The following ATP2B2 variants were observed in gnomAD, a reference collection of about 807,000 sequenced individuals.
ATP2B2 encodes the protein ATPase plasma membrane Ca2+ transporting 2, also known as plasma membrane calcium-transporting ATPase 2.
A neutral mutation model predicts 120.0 loss-of-function variants in ATP2B2; 15 were observed. The observed-to-expected ratio is 0.12, with a 90% CI of 0.08 to 0.19. ATP2B2 has a LOEUF of 0.19. ATP2B2 is among the 10% of genes least tolerant of loss of function. ATP2B2 has a pLI of 1.00. For missense variants in ATP2B2, 1,045 were observed against 1,719.8 expected (o/e 0.61, Z 6.94); for synonymous variants, 694 against 700.3 (o/e 0.99, Z 0.14).
chr3:10,610,788 G>C (rs2069212831), intron 2 of ATP2B2, among the ~76,000 whole-genome samples: 1 of 152,100 alleles, frequency 6.6e-6, no homozygotes, highest in Non-Finnish European at 1.5e-5. Flanking sequence ...ATCAACACAT[G>C]CTGGAGGGAA....
chr3:10,488,863 G>C (rs1028721212), intron 1 of ATP2B2, among the ~76,000 whole-genome samples: 10 of 151,904 alleles, frequency 6.6e-5, no homozygotes, highest in African/African-American at 1.9e-4. Flanking sequence ...CACACAGTCA[G>C]ACAAAAATCA....
intron 6 of ATP2B2, chr3:10,388,012 G>A: frequency 2.2e-6 from 1 of 456,736 alleles, no homozygotes; most frequent in Non-Finnish European, 4.0e-6. Flanking sequence ...TCAACAACAT[G>A]GTCAGCATCC....
chr3:10,656,316 G>T (rs941451624), intron 1 of ATP2B2, among the ~76,000 whole-genome samples: 1 of 152,174 alleles, frequency 6.6e-6, no homozygotes, highest in Non-Finnish European at 1.5e-5. Flanking sequence ...GACTGAGCAT[G>T]GGGAGAAGTG....
At chr3:10,338,394 G>T (rs1423037547) in intron 21 of ATP2B2, 36 bp from the exon 22 acceptor site, 4 of 1,612,788 alleles carry the variant, frequency 2.5e-6, no homozygotes, top group South Asian at 2.2e-5. Context: ...CGGTGGGGCT[G>T]TCCTTCCCAG....
intron 1 of ATP2B2, among the ~76,000 whole-genome samples, chr3:10,491,865 GA>G (rs2065946394): frequency 6.6e-6 from 1 of 152,046 alleles, no homozygotes; most frequent in Non-Finnish European, 1.5e-5. Context: ...CATGAAGAAA[GA>G]AAAAAGGACT....
At chr3:10,506,843 G>A (rs903431793), upstream of ATP2B2, among the ~76,000 whole-genome samples, 11 of 152,336 alleles carry the variant, frequency 7.2e-5, no homozygotes, top group Admixed American at 4.6e-4. Context: ...CTGCCCGCCC[G>A]AGCGTCCCGA....
At chr3:10,531,263 G>A (rs376491965) in intron 3 of ATP2B2, among the ~76,000 whole-genome samples, 10 of 152,202 alleles carry the variant, frequency 6.6e-5, no homozygotes, top group Admixed American at 5.9e-4. Context: ...ATGTCCCATC[G>A]ACAGTGAGCC....
At chr3:10,589,866 G>T (rs2068601212) in intron 2 of ATP2B2, among the ~76,000 whole-genome samples, 1 of 152,186 alleles carries the variant, frequency 6.6e-6, no homozygotes, top group Admixed American at 6.5e-5. Context: ...CTCTGAAAAA[G>T]AGTTTGTGCA....
chr3:10,422,311 G>A lies in ATP2B2; in HGVS notation c.200-11496C>T, dbSNP rs114769797. Among the ~76,000 whole-genome samples the A allele has an allele frequency of 2.2e-3, 335 of 152,318 alleles. 2 individuals are homozygous for A. The highest frequency in any genetic ancestry group is 9.3e-3 in the South Asian group (45 of 4,828). On this transcript the variant is annotated intron_variant, in intron 2 of 22. Coordinates refer to ENST00000360273, the MANE Select transcript of ATP2B2 (RefSeq NM_001001331.4). ...TCTGTGGGAAAACAGCTTGTGTTGC[G>A]GGCATCTGCTGTGATATCGGTCTGT...
At chr3:10,602,277 C>A (rs2068944846) in intron 2 of ATP2B2, among the ~76,000 whole-genome samples, 1 of 152,242 alleles carries the variant, frequency 6.6e-6, no homozygotes, top group African/African-American at 2.4e-5. Context: ...CCTTGTCAGG[C>A]TGCTCACATC....
intron 22 of ATP2B2, among the ~76,000 whole-genome samples, chr3:10,334,345 C>T (rs1017639930): frequency 6.6e-6 from 1 of 152,164 alleles, no homozygotes; most frequent in Non-Finnish European, 1.5e-5. Flanking sequence ...GATTCTTCCC[C>T]ATGTAGCTCT....
intron 2 of ATP2B2, among the ~76,000 whole-genome samples, chr3:10,569,317 TG>T (rs1430455900): frequency 2.0e-5 from 3 of 152,274 alleles, no homozygotes; most frequent in Non-Finnish European, 2.9e-5. Context: ...ACATCCCTAG[TG>T]GGAAGAATTA....
chr3:10,413,245 G>C (rs2062673001), intron 2 of ATP2B2, among the ~76,000 whole-genome samples: 1 of 152,218 alleles, frequency 6.6e-6, no homozygotes, highest in South Asian at 2.1e-4. Context: ...CTGTGGTTTG[G>C]GAGTCTGTCT....
chr3:10,431,674 C>G (rs1179856978), intron 2 of ATP2B2, among the ~76,000 whole-genome samples: 1 of 152,020 alleles, frequency 6.6e-6, no homozygotes, highest in Non-Finnish European at 1.5e-5. Flanking sequence ...GATCACTACC[C>G]TTTTATCTCC....
intron 2 of ATP2B2, among the ~76,000 whole-genome samples, chr3:10,602,902 T>G (rs980738329): frequency 1.3e-5 from 2 of 152,196 alleles, no homozygotes; most frequent in African/African-American, 4.8e-5. Context: ...CCTCCTCCAC[T>G]TTTGGGGCTG....
At chr3:10,496,472 G>A (rs191808899) in intron 1 of ATP2B2, among the ~76,000 whole-genome samples, 1 of 152,300 alleles carries the variant, frequency 6.6e-6, no homozygotes. Flanking sequence ...TTGCTTCAAG[G>A]CAGAGCCAAA....
At chr3:10,603,261 A>G (rs1380537914) in intron 2 of ATP2B2, among the ~76,000 whole-genome samples, 1 of 152,194 alleles carries the variant, frequency 6.6e-6, no homozygotes, top group East Asian at 1.9e-4. Flanking sequence ...TGCCTCTAAA[A>G]TGCCTAGCAC....
Position 10,371,989 on chromosome 3 carries a change from G to A in ATP2B2, c.1479C>T (p.Ala493=). 1 of 1,614,206 alleles carries A rather than the reference G, an allele frequency of 6.2e-7. No individual in the cohort carries two copies. The highest frequency in any genetic ancestry group is 8.5e-7 in the Non-Finnish European group (1 of 1,180,042). Residue 493 remains alanine (A), a synonymous_variant, in exon 12 of 23, where the codon GCC becomes GCT. Coordinates refer to ENST00000360273, the MANE Select transcript of ATP2B2 (RefSeq NM_001001331.4). ...CTGTCTTGTCTGAGCAGATGGCTGT[G>A]GCATTGCCCATGGTCTCACAGGCAT... ...HLDACETMGN[A]TAICSDKTGT... is the part of the protein sequence containing the mutation.
chr3:10,607,877 G>C (rs930845076), intron 2 of ATP2B2, among the ~76,000 whole-genome samples: 5 of 152,148 alleles, frequency 3.3e-5, no homozygotes, highest in Admixed American at 6.5e-5. Context: ...AGGGGTCTAG[G>C]GGGGTGATAC....
Sources: allele counts gnomAD v4.1 joint callset (sites outside exome capture counted in the v4.1 genomes callset), GRCh38; gene constraint gnomAD v4.1.1; transcripts MANE v1.5; gene names NCBI Gene and HGNC (gene_info 2026-07-23, HGNC 2026-07-21).